AKAP6: variants seen among roughly 807,000 people sequenced by gnomAD.
The protein encoded by AKAP6 is A-kinase anchor protein 6.
AKAP6 carries 58 observed loss-of-function variants against 188.5 expected under a neutral mutation model. That is an observed-to-expected ratio of 0.31 (90% CI 0.25 to 0.38). The LOEUF is 0.38. Among genes scored for constraint, AKAP6 ranks in the 10% least tolerant of loss-of-function variants. AKAP6 has a pLI of 1.00. For missense variants in AKAP6, 2,710 were observed against 2,740.0 expected (o/e 0.99, Z 0.24); for synonymous variants, 989 against 998.6 (o/e 0.99, Z 0.18).
intron 2 of AKAP6, among the ~76,000 whole-genome samples, chr14:32,435,537 G>A (rs1043164823): frequency 4.6e-5 from 7 of 152,142 alleles, no homozygotes; most frequent in African/African-American, 1.2e-4. Context: ...TGCCTATCAC[G>A]TTCTTACCTT....
chr14:32,445,373 G>A (rs1890722098), intron 2 of AKAP6, among the ~76,000 whole-genome samples: 1 of 151,710 alleles, frequency 6.6e-6, no homozygotes, highest in South Asian at 2.1e-4. Context: ...TGGGTTTCCG[G>A]TTCTTTTCTC....
chr14:32,686,916 C>T (rs1884622), intron 8 of AKAP6, among the ~76,000 whole-genome samples: 83,255 of 151,906 alleles, frequency 0.55, 23,219 homozygotes, highest in East Asian at 0.78. Flanking sequence ...GATAGAGATA[C>T]AGTTGAGGTT....
Position 32,686,723 on chromosome 14 carries a change from T to C in AKAP6, c.2879+8264T>C, listed in dbSNP as rs1340307274. ...TGTGTTGAAGTTTACTACAAATAGT[T>C]TGATGCTGTTGAAGCAGAAGATCAT... On this transcript the variant is annotated intron_variant, in intron 8 of 13. Transcript: ENST00000280979. Among the ~76,000 whole-genome samples the C allele has an allele frequency of 2.6e-5, 4 of 152,134 alleles. No individual in the cohort carries two copies. In the South Asian group the frequency reaches 6.2e-4, roughly 24 times the overall value.
chr14:32,811,241 G>GAAAAAAAAAAAAAAAAAAAA (rs529886144), intron 12 of AKAP6, among the ~76,000 whole-genome samples: 68 of 55,518 alleles, frequency 1.2e-3, no homozygotes, highest in South Asian at 7.3e-3. Context: ...TCCGTCTCAG[G>GAAAAAAAAAAAAAAAAAAAA]AAAAAAAAAA....
intron 8 of AKAP6, among the ~76,000 whole-genome samples, chr14:32,693,992 TTTTG>T (rs1486223536): frequency 5.3e-5 from 8 of 152,182 alleles, no homozygotes; most frequent in Non-Finnish European, 1.0e-4. Context: ...TCGGGTTTTG[TTTTG>T]TTTTAGTCTT....
chr14:32,500,141 A>T (rs1258691634), intron 2 of AKAP6, among the ~76,000 whole-genome samples: 2 of 152,160 alleles, frequency 1.3e-5, no homozygotes, highest in African/African-American at 4.8e-5. Flanking sequence ...GAGAGACGAG[A>T]AGAGGGAAGG....
chr14:32,356,412 T>C (rs909373816), intron 1 of AKAP6, among the ~76,000 whole-genome samples: 3 of 152,176 alleles, frequency 2.0e-5, no homozygotes, highest in African/African-American at 7.2e-5. Flanking sequence ...CCTCTACACG[T>C]CTACACCTGC....
intron 1 of AKAP6, among the ~76,000 whole-genome samples, chr14:32,395,751 C>T (rs1303884819): frequency 3.3e-5 from 5 of 152,214 alleles, no homozygotes; most frequent in African/African-American, 4.8e-5. Context: ...CCACCTCCAT[C>T]CCTTATACCT....
chr14:32,596,137 G>T (rs1252520864), intron 5 of AKAP6, among the ~76,000 whole-genome samples: 1 of 152,124 alleles, frequency 6.6e-6, no homozygotes, highest in African/African-American at 2.4e-5. Flanking sequence ...ATACTACTAA[G>T]ATTGAACCAC....
chr14:32,515,881 A>T (rs79202288), intron 2 of AKAP6, among the ~76,000 whole-genome samples: 1,749 of 152,356 alleles, frequency 0.011, 45 homozygotes, highest in African/African-American at 0.039. Context: ...CTTGCCCTAC[A>T]AGAATTTCCT....
intron 7 of AKAP6, among the ~76,000 whole-genome samples, chr14:32,611,371 A>C (rs1340935313): frequency 6.6e-6 from 1 of 152,134 alleles, no homozygotes; most frequent in African/African-American, 2.4e-5. Context: ...GGTGATTCTA[A>C]AGTACAGGAA....
chr14:32,495,437 GAC>G (rs370150298), intron 2 of AKAP6: 1 of 152,288 alleles, frequency 6.6e-6, no homozygotes, highest in African/African-American at 2.4e-5. Context: ...TTCCTTATAA[GAC>G]TGACAGAAGT....
At position 32,675,082 on chromosome 14, in the gene AKAP6, T is replaced by C. The variant is rs568757645; in HGVS notation, c.2731-3229T>C. Reference sequence around the variant, plus strand: ...TCATCTCCTAATGGCAACCGTTGCCTGTAGGTTTGTATTTCAGTACTAATA... The same window carrying C: ...TCATCTCCTAATGGCAACCGTTGCCCGTAGGTTTGTATTTCAGTACTAATA... On this transcript the variant is annotated intron_variant, in intron 7 of 13. Transcript: ENST00000280979. Among the ~76,000 whole-genome samples, 9 of 152,304 alleles carry C rather than the reference T, an allele frequency of 5.9e-5. No individual in the cohort carries two copies. In the Middle Eastern group the frequency reaches 0.01, roughly 173 times the overall value.
intron 9 of AKAP6, among the ~76,000 whole-genome samples, chr14:32,728,482 A>G (rs1566671134): frequency 6.6e-6 from 1 of 151,886 alleles, no homozygotes. Flanking sequence ...TTGTACCAGG[A>G]AAGACATTCA....
At chr14:32,569,858 G>A (rs1884393751) in intron 4 of AKAP6, among the ~76,000 whole-genome samples, 1 of 152,174 alleles carries the variant, frequency 6.6e-6, no homozygotes, top group Admixed American at 6.5e-5. Flanking sequence ...CCCCATTGCT[G>A]ATGTAAAGAT....
chr14:32,523,384 C>G (rs1881955574), intron 2 of AKAP6, among the ~76,000 whole-genome samples: 1 of 151,926 alleles, frequency 6.6e-6, no homozygotes, highest in Admixed American at 6.6e-5. Context: ...CAGATCTAGG[C>G]ACCGCTGACC....
intron 12 of AKAP6, among the ~76,000 whole-genome samples, chr14:32,783,457 A>G (rs954603070): frequency 6.6e-6 from 1 of 152,144 alleles, no homozygotes; most frequent in East Asian, 1.9e-4. Context: ...TGTAATATGT[A>G]TAATTTACTT....
chr14:32,364,162 G>A (rs149412788), intron 1 of AKAP6, among the ~76,000 whole-genome samples: 54 of 152,286 alleles, frequency 3.5e-4, no homozygotes, highest in Middle Eastern at 3.4e-3. Flanking sequence ...ATTGCTTTTT[G>A]TAAAAGCTGA....
At chr14:32,433,928 G>A in intron 2 of AKAP6, 111 bp downstream of exon 2, 6 of 1,020,208 alleles carry the variant, frequency 5.9e-6, no homozygotes, top group South Asian at 4.9e-5. Flanking sequence ...GAAAAGCACA[G>A]TACCAGGTTT....
Sources: allele counts gnomAD v4.1 joint callset (sites outside exome capture counted in the v4.1 genomes callset), GRCh38; gene constraint gnomAD v4.1.1; transcripts MANE v1.5; gene names NCBI Gene and HGNC (gene_info 2026-07-23, HGNC 2026-07-21).